SOX5: variants seen among roughly 807,000 people sequenced by gnomAD.
The protein encoded by SOX5 is SRY-box transcription factor 5.
In SOX5, 9 loss-of-function variants were observed where a neutral mutation model predicts 92.0. That is an observed-to-expected ratio of 0.10 (90% CI 0.06 to 0.17). The LOEUF (loss-of-function observed/expected upper bound fraction) is 0.17, where lower values mean the gene tolerates loss of function less well. Among genes scored for constraint, SOX5 ranks in the 10% least tolerant of loss-of-function variants. The pLI is 1.00. For missense variants in SOX5, 642 were observed against 944.5 expected, an observed-to-expected ratio of 0.68 and a Z score of 4.20; for synonymous variants, 344 against 336.3, an observed-to-expected ratio of 1.02 and a Z score of -0.25.
At chr12:23,538,960 C>T (rs985104603) in intron 13 of SOX5, among the ~76,000 whole-genome samples, 4 of 151,748 alleles carry the variant, frequency 2.6e-5, no homozygotes, top group African/African-American at 9.7e-5. Context: ...GCCACCACGC[C>T]CGGCTAGCTT....
chr12:23,630,708 C>T (rs988554541), intron 8 of SOX5, among the ~76,000 whole-genome samples: 5 of 151,940 alleles, frequency 3.3e-5, no homozygotes, highest in African/African-American at 1.2e-4. Flanking sequence ...TTTATACCCA[C>T]TTTACAGACA....
At position 23,529,815 on chromosome 12, in the gene SOX5, G is replaced by T. The variant is rs1938581916; in HGVS notation, c.*4404C>A. The T allele has an allele frequency of 6.6e-6, 1 of 152,088 alleles. No homozygotes were observed. The highest frequency in any genetic ancestry group is 1.5e-5 in the Non-Finnish European group (1 of 68,016). 9.4% of individuals were successfully genotyped at this position (152,088 alleles called of 1,614,324 possible). A position where few individuals can be genotyped will look rare whatever the true frequency, so the allele number is the denominator to read the frequency against. On this transcript the variant is annotated 3_prime_UTR_variant, in exon 15 of 15. Transcript: ENST00000451604. ...ATTTTATTAAATTTCAAGTGAGATG[G>T]TAGGTTGCACATACTTTGTTTTAAG... is the stretch of plus-strand genomic sequence containing the variant.
chr12:23,912,048 T>C (rs2097357581), intron 1 of SOX5, among the ~76,000 whole-genome samples: 1 of 152,112 alleles, frequency 6.6e-6, no homozygotes, highest in Non-Finnish European at 1.5e-5. Flanking sequence ...TGCAAATATA[T>C]ATCTGGTAAG....
intron 1 of SOX5, among the ~76,000 whole-genome samples, chr12:24,402,908 C>A (rs1035997823): frequency 6.6e-6 from 1 of 152,254 alleles, no homozygotes; most frequent in African/African-American, 2.4e-5. Context: ...AAGCTTGTAA[C>A]TTCTAATCCG....
intron 1 of SOX5, among the ~76,000 whole-genome samples, chr12:24,447,119 G>A (rs1230628573): frequency 2.6e-5 from 4 of 152,188 alleles, no homozygotes; most frequent in Admixed American, 6.5e-5. Flanking sequence ...TCAAGAAGGT[G>A]GAGTTTAACT....
intron 4 of SOX5, among the ~76,000 whole-genome samples, chr12:24,124,604 G>C (rs1014197387): frequency 1.3e-5 from 2 of 151,882 alleles, no homozygotes; most frequent in Non-Finnish European, 2.9e-5. Context: ...AGGATTTTGG[G>C]TGGATCCCCA....
At chr12:24,068,700 GTGTGTATATATATATATATATA>G (rs1285623299) in intron 4 of SOX5, among the ~76,000 whole-genome samples, 1 of 54,088 alleles carries the variant, frequency 1.8e-5, no homozygotes, top group African/African-American at 7.8e-5. Context: ...GTGTGTGTGT[GTGTGTATATATATATATATATA>G]TATATATATA....
At chr12:24,181,385 A>C (rs1369863266) in intron 4 of SOX5, among the ~76,000 whole-genome samples, 1 of 152,218 alleles carries the variant, frequency 6.6e-6, no homozygotes, top group Non-Finnish European at 1.5e-5. Flanking sequence ...ACTAAGGATG[A>C]CCAGGCTAAA....
intron 3 of SOX5, among the ~76,000 whole-genome samples, chr12:24,234,716 T>C (rs1268547654): frequency 6.6e-6 from 1 of 152,190 alleles, no homozygotes; most frequent in Admixed American, 6.5e-5. Flanking sequence ...ATAGTTATGC[T>C]AAGAAATATC....
At chr12:24,188,238 T>C (rs1389998152) in intron 4 of SOX5, among the ~76,000 whole-genome samples, 3 of 152,158 alleles carry the variant, frequency 2.0e-5, no homozygotes, top group Non-Finnish European at 4.4e-5. Context: ...TTAGGTAGCA[T>C]GAGAACAAAG....
intron 1 of SOX5, among the ~76,000 whole-genome samples, chr12:24,381,655 G>C (rs7295015): frequency 0.023 from 3,462 of 152,206 alleles, 65 homozygotes; most frequent in East Asian, 0.037. Context: ...TTATTTCCTA[G>C]TCTTGCCTTA....
At chr12:23,961,605 T>A (rs991344517) in intron 4 of SOX5, among the ~76,000 whole-genome samples, 1 of 152,202 alleles carries the variant, frequency 6.6e-6, no homozygotes, top group Non-Finnish European at 1.5e-5. Context: ...CCTATTGGAA[T>A]CTTATCCTAA....
At chr12:23,809,760 CTTT>C (rs34337302) in intron 3 of SOX5, among the ~76,000 whole-genome samples, 3,777 of 133,248 alleles carry the variant, frequency 0.028, 102 homozygotes, top group African/African-American at 0.075. Context: ...AAATGAAAGT[CTTT>C]TTTTTTTTTT....
At chr12:23,975,886 C>G (rs1948834326) in intron 4 of SOX5, among the ~76,000 whole-genome samples, 1 of 152,102 alleles carries the variant, frequency 6.6e-6, no homozygotes, top group African/African-American at 2.4e-5. Flanking sequence ...GGCAGATTAT[C>G]CTTCTTAACT....
chr12:24,537,722 C>T (rs1389235859), intron 1 of SOX5, among the ~76,000 whole-genome samples: 1 of 152,226 alleles, frequency 6.6e-6, no homozygotes, highest in Non-Finnish European at 1.5e-5. Flanking sequence ...ATACTCAACG[C>T]CATTTCATCT....
At chr12:23,616,619 T>C (rs2076588866) in intron 8 of SOX5, among the ~76,000 whole-genome samples, 1 of 152,124 alleles carries the variant, frequency 6.6e-6, no homozygotes, top group African/African-American at 2.4e-5. Flanking sequence ...AAGAAAAAAA[T>C]GTATTACAGT....
At chr12:24,254,190 T>A (rs548574950) in intron 3 of SOX5, among the ~76,000 whole-genome samples, 1 of 152,072 alleles carries the variant, frequency 6.6e-6, no homozygotes, top group Non-Finnish European at 1.5e-5. Context: ...AATACTGAAC[T>A]AGATGGATTA....
chr12:24,146,566 T>C (rs1951106008), intron 4 of SOX5, among the ~76,000 whole-genome samples: 1 of 151,810 alleles, frequency 6.6e-6, no homozygotes. Context: ...GTTTCCACTG[T>C]AAGAAATTAA....
chr12:24,075,972 A>G lies in SOX5; in HGVS notation c.-2+137371T>C, dbSNP rs571340111. The stretch of plus-strand genomic sequence containing the variant: ...AAATGGAGATACTCAACACTTAGAT[A>G]TGGAGTAAAGGAGGAGGACACTGGG... On this transcript the variant is annotated intron_variant, in intron 4 of 4. Coordinates refer to the SOX5 transcript ENST00000446891. 3.7e-4 allele frequency among the ~76,000 whole-genome samples: 57 copies of G among 152,316 alleles called. No homozygotes were observed. The South Asian group carries it at 0.011, about 29-fold the overall frequency.
Sources: gnomAD v4.1 joint callset for allele counts (sites outside exome capture counted in the v4.1 genomes callset) on GRCh38, gnomAD v4.1.1 for gene constraint, MANE v1.5 for transcripts, NCBI Gene and HGNC (gene_info 2026-07-23, HGNC 2026-07-21) for gene names.